Variants in SPAG16 observed in about 807,000 individuals in gnomAD.
SPAG16 encodes the protein sperm-associated antigen 16 protein.
SPAG16 carries 86 observed loss-of-function variants against 80.4 expected under a neutral mutation model. That is an observed-to-expected ratio of 1.07 (90% CI 0.90 to 1.28). The LOEUF (loss-of-function observed/expected upper bound fraction) is 1.28. Among genes scored for constraint, SPAG16 ranks in the 50% most tolerant of loss-of-function variants. The pLI, the probability that SPAG16 is intolerant of heterozygous loss-of-function variation, is 0.00. For missense variants in SPAG16, 870 were observed against 765.3 expected (o/e 1.14, Z -1.61); for synonymous variants, 294 against 265.9 (o/e 1.11, Z -1.03).
Position 213,695,699 on chromosome 2 carries a change from G to A in SPAG16, c.1071-166786G>A, listed in dbSNP as rs111795310. 5.8e-3 allele frequency among the ~76,000 whole-genome samples: 886 copies of A among 152,312 alleles called. 4 individuals are homozygous for A. Among genetic ancestry groups the A allele is most frequent in the Non-Finnish European group, 0.01 (693 of 68,012 alleles). On this transcript the variant is annotated intron_variant, in intron 10 of 15. Transcript: ENST00000331683. ...AAGAAGGAGCCAGCCATGAGAAGAC[G>A]TAGAGGAGAAGCATGTGAATTCACA...
intron 9 of SPAG16, among the ~76,000 whole-genome samples, chr2:213,431,451 G>A (rs1424609788): frequency 6.6e-6 from 1 of 151,688 alleles, no homozygotes; most frequent in African/African-American, 2.4e-5. Context: ...GCAAGCAGGA[G>A]TAGCTATACT....
intron 10 of SPAG16, among the ~76,000 whole-genome samples, chr2:213,704,006 G>A (rs1006327909): frequency 3.3e-5 from 5 of 152,194 alleles, no homozygotes; most frequent in African/African-American, 1.2e-4. Flanking sequence ...CTTATTGAGA[G>A]TGTTCTCCTA....
chr2:213,911,525 G>A (rs1458720540), intron 11 of SPAG16, among the ~76,000 whole-genome samples: 4 of 152,162 alleles, frequency 2.6e-5, no homozygotes, highest in South Asian at 2.1e-4. Flanking sequence ...CATGTAATAC[G>A]TGTAATGAAA....
rs1177296974 is a variant in SPAG16 at position 214,351,776 on chromosome 2, T to C, written c.1721-58364T>C. 1.5e-4 allele frequency among the ~76,000 whole-genome samples: 3 copies of C among 20,042 alleles called. No homozygotes were observed. The East Asian group carries it at 4.4e-3, about 29-fold the overall frequency. The allele number at this position is 20,042 out of a possible 152,430, so 13.1% of individuals were successfully genotyped here. A position where few individuals can be genotyped will look rare whatever the true frequency, so the allele number is the denominator to read the frequency against. On this transcript the variant is annotated intron_variant, in intron 15 of 15. Transcript: ENST00000331683. ...TGATGCATGGGAAAATTGTATCAAT[T>C]TTTTTTTTAGTTTTTAGATTTTTTA...
At chr2:213,551,126 A>G (rs1304955161) in intron 10 of SPAG16, among the ~76,000 whole-genome samples, 1 of 152,094 alleles carries the variant, frequency 6.6e-6, no homozygotes, top group Non-Finnish European at 1.5e-5. Flanking sequence ...TCTATTGCAG[A>G]CAGTTTTCTT....
At chr2:213,520,275 T>A (rs951965572) in intron 10 of SPAG16, among the ~76,000 whole-genome samples, 4 of 152,126 alleles carry the variant, frequency 2.6e-5, no homozygotes, top group Non-Finnish European at 5.9e-5. Context: ...TTCAGACTTA[T>A]GGCCTCCAGA....
At chr2:213,840,518 A>C (rs2074310740) in intron 10 of SPAG16, among the ~76,000 whole-genome samples, 2 of 152,232 alleles carry the variant, frequency 1.3e-5, no homozygotes, top group Admixed American at 1.3e-4. Context: ...GAATTTTAGA[A>C]AGTTCGATCA....
At chr2:214,318,843 C>T (rs533600960) in intron 15 of SPAG16, among the ~76,000 whole-genome samples, 1 of 152,084 alleles carries the variant, frequency 6.6e-6, no homozygotes, top group Non-Finnish European at 1.5e-5. Flanking sequence ...GCCGACAGCT[C>T]CTGACAGAGG....
intron 10 of SPAG16, among the ~76,000 whole-genome samples, chr2:213,763,907 A>G (rs1039874634): frequency 1.9e-4 from 29 of 152,208 alleles, no homozygotes; most frequent in African/African-American, 6.3e-4. Context: ...AGCTTTTAAT[A>G]TGAGAAGGAC....
chr2:214,366,389 G>C (rs1481273277), intron 15 of SPAG16, among the ~76,000 whole-genome samples: 3 of 152,186 alleles, frequency 2.0e-5, no homozygotes, highest in African/African-American at 7.2e-5. Context: ...CACTATGGAG[G>C]AGAGTTTTGG....
chr2:213,720,240 A>T, intron 10 of SPAG16, among the ~76,000 whole-genome samples: 1 of 152,076 alleles, frequency 6.6e-6, no homozygotes, highest in East Asian at 1.9e-4. Context: ...AATGTAGATG[A>T]GGGGTTGATG....
At chr2:214,198,640 G>T (rs1001084996) in intron 15 of SPAG16, among the ~76,000 whole-genome samples, 1 of 151,962 alleles carries the variant, frequency 6.6e-6, no homozygotes, top group Non-Finnish European at 1.5e-5. Flanking sequence ...TGGATCGAAT[G>T]GTAGTTATAC....
chr2:213,529,368 T>A (rs1205825571), intron 10 of SPAG16, among the ~76,000 whole-genome samples: 1 of 152,196 alleles, frequency 6.6e-6, no homozygotes, highest in Non-Finnish European at 1.5e-5. Context: ...AAACCCTGCA[T>A]TATGGCTGAT....
rs79471308 is a variant in SPAG16 at position 213,834,375 on chromosome 2, A to G, written c.1071-28110A>G. ...AGGGAAAATGGTGTGTTTTTATGCTAAGTCTGATGAAAAAAGTAGATAGTT... is the reference window on the plus strand; with the variant it reads ...AGGGAAAATGGTGTGTTTTTATGCTGAGTCTGATGAAAAAAGTAGATAGTT... On this transcript the variant is annotated intron_variant, in intron 10 of 15. Coordinates refer to ENST00000331683, the MANE Select transcript of SPAG16 (RefSeq NM_024532.5). 8.6e-3 allele frequency among the ~76,000 whole-genome samples: 1,309 copies of G among 152,278 alleles called. 16 individuals carry two copies. Among genetic ancestry groups the G allele is most frequent in the African/African-American group, 0.03 (1,261 of 41,558 alleles).
chr2:214,354,358 A>G, intron 15 of SPAG16, among the ~76,000 whole-genome samples: 1 of 152,000 alleles, frequency 6.6e-6, no homozygotes, highest in Non-Finnish European at 1.5e-5. Context: ...ATTGATCTAT[A>G]TCTCTGTTTT....
chr2:213,913,631 A>G (rs912173892), intron 11 of SPAG16, among the ~76,000 whole-genome samples: 6 of 8,740 alleles, frequency 6.9e-4, no homozygotes, highest in African/African-American at 9.2e-4. Flanking sequence ...ATGTACATGT[A>G]CATATATGTA....
At chr2:213,825,526 C>T (rs576163296) in intron 10 of SPAG16, among the ~76,000 whole-genome samples, 9 of 151,670 alleles carry the variant, frequency 5.9e-5, no homozygotes, top group African/African-American at 1.2e-4. Context: ...TGCATTGCAT[C>T]GATTGATTTG....
chr2:213,941,844 A>G (rs2106289999), intron 12 of SPAG16, among the ~76,000 whole-genome samples: 1 of 152,204 alleles, frequency 6.6e-6, no homozygotes, highest in Non-Finnish European at 1.5e-5. Flanking sequence ...GTGGATATTG[A>G]ATCCAAGCAG....
At chr2:214,401,406 C>T (rs190564406) in intron 15 of SPAG16, among the ~76,000 whole-genome samples, 1 of 151,940 alleles carries the variant, frequency 6.6e-6, no homozygotes, top group East Asian at 1.9e-4. Context: ...TTTCTCTTCC[C>T]TGATATGTTA....
Sources: gnomAD v4.1 joint callset for allele counts (sites outside exome capture counted in the v4.1 genomes callset) on GRCh38, gnomAD v4.1.1 for gene constraint, MANE v1.5 for transcripts, NCBI Gene and HGNC (gene_info 2026-07-23, HGNC 2026-07-21) for gene names.